Variants in FUCA1 observed in about 807,000 individuals in gnomAD.
FUCA1 encodes the protein alpha-L-fucosidase 1, also known as tissue alpha-L-fucosidase.
In FUCA1, 52 loss-of-function variants were observed where a neutral mutation model predicts 56.8. The ratio of observed to expected loss-of-function variants is 0.92; its 90% CI spans 0.73 to 1.15. The LOEUF is 1.15. Ranked by LOEUF, FUCA1 falls within the 50% of genes most tolerant of loss-of-function variation. The pLI is 0.00. For synonymous variants in FUCA1, 230 were observed against 226.6 expected (o/e 1.02, Z -0.14); for missense variants, 568 against 592.6 (o/e 0.96, Z 0.43).
At chr1:23,858,931 C>T (rs1054553714) in intron 4 of FUCA1, among the ~76,000 whole-genome samples, 5 of 151,864 alleles carry the variant, frequency 3.3e-5, no homozygotes, top group South Asian at 4.2e-4. Context: ...ACTACAGGTC[C>T]GTGCCACCAC....
At position 23,845,658 on chromosome 1, in the gene FUCA1, G is replaced by A; in HGVS notation, c.*57C>T. On this transcript the variant is annotated 3_prime_UTR_variant, in exon 8 of 8. Coordinates refer to ENST00000374479, the MANE Select transcript of FUCA1 (RefSeq NM_000147.5). ...TGATTATAGTGATGGTACTATAAGA[G>A]AAAAACTGAAGCAGGAAAACAGTGA... is the stretch of plus-strand genomic sequence containing the variant. The A allele has an allele frequency of 2.5e-6, 4 of 1,609,834 alleles. No individual in the cohort carries two copies. Among genetic ancestry groups the A allele is most frequent in the Non-Finnish European group, 3.4e-6 (4 of 1,176,154 alleles).
At position 23,865,481 on chromosome 1, in the gene FUCA1, G is replaced by A. The variant is rs2148449069; in HGVS notation, c.524+10C>T. 2 of 1,614,136 alleles carry A rather than the reference G, an allele frequency of 1.2e-6. No individual in the cohort carries two copies. Among genetic ancestry groups the A allele is most frequent in the Non-Finnish European group, 1.7e-6 (2 of 1,180,020 alleles). On this transcript the variant is annotated intron_variant, in intron 2 of 7. Coordinates refer to ENST00000374479, the MANE Select transcript of FUCA1 (RefSeq NM_000147.5). ...AAGAGATAACAGAGTAACCATCCCTGGACACTCACCTCTTCCGGAGAGCTG... is the reference window on the plus strand; with the variant it reads ...AAGAGATAACAGAGTAACCATCCCTAGACACTCACCTCTTCCGGAGAGCTG...
At chr1:23,854,330 CAA>C in intron 5 of FUCA1, 28 bp downstream of exon 5, 1 of 1,483,882 alleles carries the variant, frequency 6.7e-7, no homozygotes, top group Non-Finnish European at 9.2e-7. Flanking sequence ...AAAAAAAAAA[CAA>C]AAACAAAAAA....
intron 2 of FUCA1, 139 bp downstream of exon 2, chr1:23,865,352 A>C (rs1004853845): frequency 9.3e-7 from 1 of 1,069,724 alleles, no homozygotes; most frequent in Non-Finnish European, 1.4e-6. Context: ...CCTAGAAAAC[A>C]CACAGGAGTA....
intron 4 of FUCA1, among the ~76,000 whole-genome samples, chr1:23,857,648 C>G (rs1639421364): frequency 6.6e-6 from 1 of 151,356 alleles, no homozygotes; most frequent in South Asian, 2.1e-4. Context: ...AGGTGCCCAC[C>G]ACCACGCCCG....
Position 23,853,009 on chromosome 1 carries a change from G to A in FUCA1, c.969+1351C>T, listed in dbSNP as rs1478302792. On this transcript the variant is annotated intron_variant, in intron 5 of 7. Transcript: ENST00000374479. ...AAATGAGGAGCGTCTCTGCCCGGCC[G>A]CCATCCCATCTAGGAAGTGAGGAGC... 5.4e-5 allele frequency among the ~76,000 whole-genome samples: 8 copies of A among 149,340 alleles called. No individual in the cohort carries two copies. In the South Asian group the frequency reaches 6.4e-4, roughly 12 times the overall value.
intron 1 of FUCA1, among the ~76,000 whole-genome samples, chr1:23,866,020 G>A (rs1008916539): frequency 1.8e-4 from 27 of 152,142 alleles, no homozygotes; most frequent in African/African-American, 6.0e-4. Context: ...AGAAAACTAA[G>A]CCATTTGCTG....
In FUCA1 at chr1:23,845,871, G is replaced by C; in HGVS notation, c.1261-16C>G. The C allele has an allele frequency of 6.2e-7, 1 of 1,614,046 alleles. No individual in the cohort carries two copies. Among genetic ancestry groups the C allele is most frequent in the Non-Finnish European group, 8.5e-7 (1 of 1,179,944 alleles). On this transcript the variant is annotated splice_polypyrimidine_tract_variant and intron_variant, in intron 7 of 7. Coordinates refer to ENST00000374479, the MANE Select transcript of FUCA1 (RefSeq NM_000147.5). ...GCATTGTTATCTGCAGAAAACAAAA[G>C]GGAATGAAACAAACTGGTAATGCAC...
intron 5 of FUCA1, among the ~76,000 whole-genome samples, chr1:23,852,100 T>TAATAATAATAATAAA (rs370893792): frequency 0.014 from 2,113 of 149,684 alleles, 23 homozygotes; most frequent in South Asian, 0.042. Flanking sequence ...ATAATAATAA[T>TAATAATAATAATAAA]AAAAAGTGGT....
intron 6 of FUCA1, among the ~76,000 whole-genome samples, chr1:23,847,324 TTTG>T (rs1639163784): frequency 6.6e-6 from 1 of 150,414 alleles, no homozygotes; most frequent in Non-Finnish European, 1.5e-5. Context: ...TGAAAACAAA[TTTG>T]TTGTTCAGAG....
intron 3 of FUCA1, 107 bp from the exon 4 acceptor site, chr1:23,860,010 G>A: frequency 1.4e-6 from 1 of 732,670 alleles, no homozygotes; most frequent in South Asian, 1.4e-5. Context: ...TGTTGCCTAA[G>A]CTTGAGTCCA....
Position 23,868,214 on chromosome 1 carries a change from C to A in FUCA1, c.73G>T (p.Ala25Ser). ...LLLLLLFLGA[A>S]ESVRRAQPPR... ...GGCTGGGCCCGACGCACCGACTCGG[C>A]CGCTCCGAGGAAGAGCAGCAGCAGC... The change falls in exon 1 of 8, where the codon GCC becomes TCC. Residue 25 changes from alanine (A) to serine (S), a missense_variant. Transcript: ENST00000374479. 6.3e-7 allele frequency: 1 copy of A among 1,589,984 alleles called. No individual in the cohort carries two copies. The highest frequency in any genetic ancestry group is 2.3e-5 in the East Asian group (1 of 43,746).
chr1:23,851,716 A>G (rs556573457), intron 5 of FUCA1, among the ~76,000 whole-genome samples: 21 of 152,304 alleles, frequency 1.4e-4, no homozygotes, highest in African/African-American at 4.1e-4. Flanking sequence ...AGGGACATGG[A>G]TGAAGCTGGA....
At chr1:23,857,930 A>G (rs1639427902) in intron 4 of FUCA1, among the ~76,000 whole-genome samples, 1 of 150,242 alleles carries the variant, frequency 6.7e-6, no homozygotes, top group African/African-American at 2.4e-5. Flanking sequence ...GGCCTCCCAA[A>G]GTGCTGGGAT....
chr1:23,864,692 T>C (rs1639585298), intron 2 of FUCA1, among the ~76,000 whole-genome samples: 1 of 151,080 alleles, frequency 6.6e-6, no homozygotes, highest in African/African-American at 2.4e-5. Context: ...CAGCAAACTC[T>C]TTTTGTCTTT....
At chr1:23,866,738 G>A (rs751225016) in intron 1 of FUCA1, among the ~76,000 whole-genome samples, 46 of 152,266 alleles carry the variant, frequency 3.0e-4, no homozygotes, top group South Asian at 1.0e-3. Context: ...CAACCTTGAC[G>A]TCATGAGACC....
rs149878565 is a variant in FUCA1, at chr1:23,864,041, C to T, written c.525-770G>A. 3.8e-3 allele frequency among the ~76,000 whole-genome samples: 566 copies of T among 150,466 alleles called. 3 individuals are homozygous for T. Among genetic ancestry groups the T allele is most frequent in the African/African-American group, 0.013 (532 of 40,944 alleles). ...ACAGTTGAAATGAATATAGGTTTAT[C>T]GTTTTATTTATCTAAGATTTACTAA... On this transcript the variant is annotated intron_variant, in intron 2 of 7. Transcript: ENST00000374479.
intron 4 of FUCA1, among the ~76,000 whole-genome samples, chr1:23,854,802 A>G (rs1557510310): frequency 3.3e-5 from 5 of 152,208 alleles, no homozygotes; most frequent in Non-Finnish European, 7.3e-5. Context: ...ACGTCCTACA[A>G]TGCACAGGAC....
chr1:23,849,096 C>T (rs1639205380), intron 5 of FUCA1, among the ~76,000 whole-genome samples: 3 of 152,086 alleles, frequency 2.0e-5, no homozygotes, highest in Admixed American at 1.3e-4. Flanking sequence ...GATTCTCCTG[C>T]CTCAGTCTCC....
Sources: allele counts gnomAD v4.1 joint callset (sites outside exome capture counted in the v4.1 genomes callset), GRCh38; gene constraint gnomAD v4.1.1; transcripts MANE v1.5; gene names NCBI Gene and HGNC (gene_info 2026-07-23, HGNC 2026-07-21).